STARD9: variants seen among roughly 807,000 people sequenced by gnomAD.
STARD9 encodes stAR-related lipid transfer protein 9.
A neutral mutation model predicts 399.8 loss-of-function variants in STARD9; 346 were observed. The ratio of observed to expected loss-of-function variants is 0.87; its 90% CI spans 0.79 to 0.95. STARD9 has a LOEUF of 0.95. Among genes scored for constraint, STARD9 ranks in the 40% least tolerant of loss-of-function variants. The probability of loss-of-function intolerance (pLI) is 0.00; values close to 1 mark genes in which losing one functional copy is unlikely to be tolerated. For synonymous variants in STARD9, 2,203 were observed against 2,143.5 expected (o/e 1.03, Z -0.77); for missense variants, 5,832 against 5,667.5 (o/e 1.03, Z -0.93).
chr15:42,620,187 A>C (rs1161420742), intron 3 of STARD9, among the ~76,000 whole-genome samples: 2 of 152,202 alleles, frequency 1.3e-5, no homozygotes, highest in Non-Finnish European at 2.9e-5. Flanking sequence ...AGGCAAAATA[A>C]GCAGAAAGTT....
chr15:42,668,046 C>A (rs533980775), intron 15 of STARD9, among the ~76,000 whole-genome samples: 1 of 152,178 alleles, frequency 6.6e-6, no homozygotes, highest in Non-Finnish European at 1.5e-5. Flanking sequence ...AGCATTCTTG[C>A]ATTATGCAGG....
In STARD9 at chr15:42,691,125, G is replaced by C. The variant is rs1566945564; in HGVS notation, c.9547G>C (p.Asp3183His). The change falls in exon 23 of 33, where the codon GAT becomes CAT. Residue 3183 changes from aspartate to histidine, a missense_variant. Physicochemically the swap from Asp to His is moderately conservative, Grantham distance 81. Around this residue, in one of 2 missense-constraint regions of STARD9, gnomAD observed 5,828 missense variants for 5,651.1 expected, o/e 1.03. Transcript: ENST00000290607. ...GCCACAATTTTCCACTGAGTTGAGG[G>C]ATCACAATCGCTTGGATTCCCAAGC... ...EKPQFSTELRDHNRLDSQAKF... is the reference protein window; with the variant it reads ...EKPQFSTELRHHNRLDSQAKF... 1 of 1,537,150 alleles carries C rather than the reference G, an allele frequency of 6.5e-7. No homozygotes were observed.
chr15:42,661,263 T>C, intron 10 of STARD9, 38 bp downstream of exon 10: 1 of 1,370,048 alleles, frequency 7.3e-7, no homozygotes, highest in Non-Finnish European at 1.0e-6. Context: ...ATTACTCTTG[T>C]TCTTGCCTGT....
At chr15:42,663,118 A>T in intron 11 of STARD9, 163 bp from the exon 12 acceptor site, 1 of 758,186 alleles carries the variant, frequency 1.3e-6, no homozygotes, top group Non-Finnish European at 2.1e-6. Context: ...AACATTCCAT[A>T]TCGTGAGTCT....
intron 26 of STARD9, among the ~76,000 whole-genome samples, chr15:42,712,130 A>ATATATATAATATATATATT (rs1390998882): frequency 1.2e-5 from 1 of 83,750 alleles, no homozygotes; most frequent in African/African-American, 4.4e-5. Context: ...TATATATATA[A>ATATATATAATATATATATT]ATGTGCCTTT....
At position 42,690,389 on chromosome 15, in the gene STARD9, C is replaced by T. The variant is rs1489998169; in HGVS notation, c.8811C>T (p.Ser2937=). ...TCTTCTCAAGGAACCCTGAAGGCAG[C>T]AGGACTCTCAGCCCGTCTAGAGGGA... is the stretch of plus-strand genomic sequence containing the variant. The part of the protein sequence containing the change: ...GPVFSRNPEG[S]RTLSPSRGKE... Residue 2937 remains serine (S), a synonymous_variant, in exon 23 of 33, where the codon AGC becomes AGT. Coordinates refer to ENST00000290607, the MANE Select transcript of STARD9 (RefSeq NM_020759.3). 1.3e-6 allele frequency: 2 copies of T among 1,537,112 alleles called. No individual in the cohort carries two copies. Among genetic ancestry groups the T allele is most frequent in the South Asian group, 2.4e-5 (2 of 84,066 alleles).
At chr15:42,661,615 T>G (rs966505006) in intron 10 of STARD9, among the ~76,000 whole-genome samples, 22 of 152,024 alleles carry the variant, frequency 1.4e-4, no homozygotes, top group African/African-American at 4.8e-4. Flanking sequence ...TGGCTTTCTT[T>G]CTTTCTTTCT....
At position 42,692,622 on chromosome 15, in the gene STARD9, C is replaced by T; in HGVS notation, c.11044C>T (p.Leu3682Phe). The T allele has an allele frequency of 6.5e-7, 1 of 1,537,254 alleles. No individual in the cohort carries two copies. Among genetic ancestry groups the T allele is most frequent in the Non-Finnish European group, 8.7e-7 (1 of 1,146,932 alleles). The change falls in exon 23 of 33, where the codon CTC (leucine) becomes TTC (phenylalanine). Residue 3682 changes from leucine to phenylalanine, a missense_variant. This residue lies in a region of STARD9 where 5,828 missense variants were observed against 5,651.1 expected (regional missense o/e 1.03). Coordinates refer to ENST00000290607, the MANE Select transcript of STARD9 (RefSeq NM_020759.3). Reference sequence around the variant, plus strand: ...ATGGACCAGCATGCACAATCTGTCTCTCCACCTCTCACAGCTCCTGCACAG... The same window carrying T: ...ATGGACCAGCATGCACAATCTGTCTTTCCACCTCTCACAGCTCCTGCACAG... ...ASWTSMHNLSLHLSQLLHSTS... is the reference protein window; with the variant it reads ...ASWTSMHNLSFHLSQLLHSTS...
intron 3 of STARD9, among the ~76,000 whole-genome samples, chr15:42,627,740 G>A (rs1382086719): frequency 2.5e-4 from 38 of 152,118 alleles, no homozygotes; most frequent in Admixed American, 2.3e-3. Flanking sequence ...TTCTATCCAT[G>A]TTTTTGTAAA....
chr15:42,614,639 TA>T (rs1176028030), intron 3 of STARD9, among the ~76,000 whole-genome samples: 1 of 152,080 alleles, frequency 6.6e-6, no homozygotes, highest in African/African-American at 2.4e-5. Context: ...CCCTTTGACC[TA>T]GGGGTCCCAC....
chr15:42,587,676 C>G (rs1387058948), intron 3 of STARD9, among the ~76,000 whole-genome samples: 1 of 152,208 alleles, frequency 6.6e-6, no homozygotes, highest in Non-Finnish European at 1.5e-5. Context: ...AGCGATTCTC[C>G]TGCCTCAGCC....
At chr15:42,699,201 C>G (rs1296344267) in intron 26 of STARD9, among the ~76,000 whole-genome samples, 1 of 152,012 alleles carries the variant, frequency 6.6e-6, no homozygotes, top group Non-Finnish European at 1.5e-5. Flanking sequence ...TTCTAGCCAA[C>G]TTGAAATATA....
intron 21 of STARD9, 134 bp downstream of exon 21, chr15:42,681,746 C>T (rs927901919): frequency 4.5e-5 from 36 of 808,946 alleles, no homozygotes; most frequent in Non-Finnish European, 6.2e-5. Flanking sequence ...GTTCTCTTTT[C>T]TTTTAGACAC....
chr15:42,605,103 T>C (rs2058701914), intron 3 of STARD9, among the ~76,000 whole-genome samples: 1 of 152,210 alleles, frequency 6.6e-6, no homozygotes, highest in African/African-American at 2.4e-5. Flanking sequence ...TATGAATTAT[T>C]CACTAGTCCT....
intron 21 of STARD9, 140 bp from the exon 22 acceptor site, chr15:42,681,964 C>T: frequency 4.6e-6 from 3 of 645,292 alleles, no homozygotes; most frequent in South Asian, 2.0e-5. Flanking sequence ...TGTAGCCCTG[C>T]AGCCCTCACC....
At chr15:42,638,458 A>C (rs2059462255) in intron 6 of STARD9, among the ~76,000 whole-genome samples, 2 of 152,066 alleles carry the variant, frequency 1.3e-5, no homozygotes, top group African/African-American at 4.8e-5. Context: ...GTGAGCCAAG[A>C]TTGTGCCACT....
intron 16 of STARD9, chr15:42,670,527 C>G (rs1381376925): frequency 1.3e-5 from 2 of 152,340 alleles, no homozygotes; most frequent in Admixed American, 6.5e-5. Context: ...TTCCCATGCT[C>G]AAAATCCCTG....
intron 3 of STARD9, among the ~76,000 whole-genome samples, chr15:42,596,866 A>G (rs2058516430): frequency 6.6e-6 from 1 of 152,242 alleles, no homozygotes; most frequent in Non-Finnish European, 1.5e-5. Flanking sequence ...ACAGAAGACT[A>G]TAATGGTAAA....
At position 42,718,825 on chromosome 15, in the gene STARD9, G is replaced by A. The variant is rs925883641; in HGVS notation, c.13916G>A (p.Arg4639His). ...CCAAGACCCAGCAGAAAAATGGTTC[G>A]CGGGGAGATCCTGCCCAGTGCCTGG... ...SMPRPSRKMV[R>H]GEILPSAWIL... Residue 4639 changes from arginine to histidine, a missense_variant, in exon 32 of 33, where the codon CGC becomes CAC. Coordinates refer to ENST00000290607, the MANE Select transcript of STARD9 (RefSeq NM_020759.3). 26 of 1,537,096 alleles carry A rather than the reference G, an allele frequency of 1.7e-5. No homozygotes were observed. The highest frequency in any genetic ancestry group is 9.8e-5 in the Admixed American group (5 of 50,982).
Sources: gnomAD v4.1 joint callset for allele counts (sites outside exome capture counted in the v4.1 genomes callset) on GRCh38, gnomAD v4.1.1 for gene constraint, gnomAD v4.1.1 regional missense constraint, MANE v1.5 for transcripts, NCBI Gene and HGNC (gene_info 2026-07-23, HGNC 2026-07-21) for gene names.